The following TEX19 variants were observed in gnomAD, a reference collection of about 807,000 sequenced individuals.
The protein encoded by TEX19 is testis expressed 19, also known as testis-expressed protein 19.
For missense variants in TEX19, 184 were observed against 194.4 expected, an observed-to-expected ratio of 0.95 and a Z score of 0.32; for synonymous variants, 77 against 73.9, an observed-to-expected ratio of 1.04 and a Z score of -0.21.
rs746225344 is a variant in TEX19, at chr17:82,362,689, TG to T, written c.*45del. 6.6e-7 allele frequency: 1 copy of T among 1,517,762 alleles called. No individual in the cohort carries two copies. Among genetic ancestry groups the T allele is most frequent in the African/African-American group, 1.4e-5 (1 of 71,676 alleles). The allele number at this position is 1,517,762 out of a possible 1,614,324, so 94.0% of individuals were successfully genotyped here. A position where few individuals can be genotyped will look rare whatever the true frequency, so the allele number is the denominator to read the frequency against. On this transcript the variant is annotated 3_prime_UTR_variant, in exon 2 of 2. Coordinates refer to ENST00000333437, the MANE Select transcript of TEX19 (RefSeq NM_207459.4). The surrounding 1 kb of genome is among the most constrained non-coding windows in gnomAD (Gnocchi z 5.5). ...GACCTGCCCCCAGGGGAGCCCGTGG[TG>T]TTGAAGCTGGGCATTACCTGGGCAG...
Position 82,362,326 on chromosome 17 carries a change from G to A in TEX19, c.176G>A (p.Trp59Ter). Reference sequence around the variant, plus strand: ...TCAGAGGACTGGGAAGAAGACAACTGGGACCCTGAGCTGATGGAGCACACT... The same window carrying A: ...TCAGAGGACTGGGAAGAAGACAACTAGGACCCTGAGCTGATGGAGCACACT... ...LESEDWEEDN[W>*]DPELMEHTEA... The change falls in exon 2 of 2, where the codon TGG becomes TAG. Residue 59 changes from tryptophan (W) to a stop codon, truncating the protein, a stop_gained. Coordinates refer to ENST00000333437, the MANE Select transcript of TEX19 (RefSeq NM_207459.4). LOFTEE classifies it low-confidence loss of function (END_TRUNC). The surrounding 1 kb of genome is among the most constrained non-coding windows in gnomAD (Gnocchi z 5.5). 1 of 1,613,878 alleles carries A rather than the reference G, an allele frequency of 6.2e-7. No individual in the cohort carries two copies.
In TEX19 at chr17:82,361,944, C is replaced by G; in HGVS notation, c.-207C>G. 1 of 769,484 alleles carries G rather than the reference C, an allele frequency of 1.3e-6. No individual in the cohort carries two copies. 47.7% of individuals were successfully genotyped at this position (769,484 alleles called of 1,614,324 possible). On this transcript the variant is annotated 5_prime_UTR_variant, in exon 2 of 2. Transcript: ENST00000333437. ...TTCCAGAAGTTCAAGCTTCCACCCT[C>G]TGCAGGTCCCCACTGAGCTGGGACC...
At position 82,359,291 on chromosome 17, in the gene TEX19, A is replaced by G. The variant is rs11077988; in HGVS notation, c.-272+6A>G. ...TGAACAGAGACACCAGGATGGTGAG[A>G]TCTCCCGAGGAGGGGTCTCTGAGGA... On this transcript the variant is annotated splice_donor_region_variant and intron_variant, in intron 1 of 1. Transcript: ENST00000333437. The G allele has an allele frequency of 0.33, 49,628 of 152,006 alleles. 8,411 individuals are homozygous for G. The highest frequency in any genetic ancestry group is 0.48 in the South Asian group (2,323 of 4,818). 9.4% of individuals were successfully genotyped at this position (152,006 alleles called of 1,614,324 possible). A position where few individuals can be genotyped will look rare whatever the true frequency, so the allele number is the denominator to read the frequency against.
chr17:82,359,794 G>T (rs2052364773), intron 1 of TEX19, among the ~76,000 whole-genome samples: 1 of 113,678 alleles, frequency 8.8e-6, no homozygotes, highest in Non-Finnish European at 1.8e-5. Context: ...TTTCCCTCAA[G>T]TTCCCCTCAG....
In TEX19 at chr17:82,363,147, A is replaced by G. The variant is rs1413512991; in HGVS notation, c.*502A>G. 2.4e-5 allele frequency: 4 copies of G among 167,420 alleles called. No individual in the cohort carries two copies. 10.4% of individuals were successfully genotyped at this position (167,420 alleles called of 1,614,324 possible). A position where few individuals can be genotyped will look rare whatever the true frequency, so the allele number is the denominator to read the frequency against. On this transcript the variant is annotated 3_prime_UTR_variant, in exon 2 of 2. Transcript: ENST00000333437. Reference sequence around the variant, plus strand: ...GTCCTGAGGAAAGCCTGGCTGTTGCAGGAGCCTCGGCCATGGGGGAGCTGC... The same window carrying G: ...GTCCTGAGGAAAGCCTGGCTGTTGCGGGAGCCTCGGCCATGGGGGAGCTGC...
At position 82,362,956 on chromosome 17, in the gene TEX19, A is replaced by T; in HGVS notation, c.*311A>T. The T allele has an allele frequency of 3.3e-6, 1 of 306,394 alleles. No homozygotes were observed. The highest frequency in any genetic ancestry group is 6.4e-6 in the Non-Finnish European group (1 of 157,192). 19.0% of individuals were successfully genotyped at this position (306,394 alleles called of 1,614,324 possible). A position where few individuals can be genotyped will look rare whatever the true frequency, so the allele number is the denominator to read the frequency against. On this transcript the variant is annotated 3_prime_UTR_variant, in exon 2 of 2. Transcript: ENST00000333437. The surrounding 1 kb of genome is among the most constrained non-coding windows in gnomAD (Gnocchi z 5.5). ...ATTCTAGAAACATCGTTAACAGGAC[A>T]CAGGGCAGAGCTGGTCCCTGCAGCC... is the stretch of plus-strand genomic sequence containing the variant.
At position 82,362,588 on chromosome 17, in the gene TEX19, C is replaced by T. The variant is rs777244760; in HGVS notation, c.438C>T (p.Pro146=). 1 of 1,595,008 alleles carries T rather than the reference C, an allele frequency of 6.3e-7. No homozygotes were observed. Among genetic ancestry groups the T allele is most frequent in the Admixed American group, 1.8e-5 (1 of 54,980 alleles). ...ATGCTGACTGGACCCAGGGTCTTCC[C>T]TGGAGATTTGAGGAGCTTCTTACCT... The part of the protein sequence containing the change: ...LEDADWTQGL[P]WRFEELLTCS... Residue 146 remains proline, a synonymous_variant, in exon 2 of 2, where the codon CCC becomes CCT. Transcript: ENST00000333437. This position sits in a 1 kb window ranked among gnomAD's most constrained non-coding sequence, Gnocchi z 5.5.
chr17:82,362,338 TGATG>T lies in TEX19; in HGVS notation c.191_194del (p.Met64SerfsTer17). The T allele has an allele frequency of 6.2e-7, 1 of 1,613,788 alleles. No homozygotes were observed. Among genetic ancestry groups the T allele is most frequent in the Non-Finnish European group, 8.5e-7 (1 of 1,180,008 alleles). ...GAAGAAGACAACTGGGACCCTGAGC[TGATG>T]GAGCACACTGAGGCAGAGTCAGAGC... On this transcript the variant is annotated frameshift_variant, in exon 2 of 2. Transcript: ENST00000333437. LOFTEE classifies it low-confidence loss of function (END_TRUNC). The surrounding 1 kb of genome is among the most constrained non-coding windows in gnomAD (Gnocchi z 5.5).
chr17:82,360,988 GTTTTCCCCA>G (rs1567853461), intron 1 of TEX19, among the ~76,000 whole-genome samples: 8 of 39,628 alleles, frequency 2.0e-4, no homozygotes, highest in African/African-American at 7.1e-4. Context: ...GGTTCCCTCA[GTTTTCCCCA>G]GTTTCCCTCA....
chr17:82,361,460 G>T (rs1457408489), intron 1 of TEX19, among the ~76,000 whole-genome samples: 3 of 127,612 alleles, frequency 2.4e-5, no homozygotes, highest in South Asian at 2.5e-4. Context: ...TTTCCCTCAG[G>T]TTCCCTCAGT....
At chr17:82,360,979 G>T (rs1335986048) in intron 1 of TEX19, among the ~76,000 whole-genome samples, 29 of 34,472 alleles carry the variant, frequency 8.4e-4, no homozygotes, top group South Asian at 1.0e-3. Context: ...TTTCCCTCAG[G>T]TTCCCTCAGT....
In TEX19 at chr17:82,362,231, T is replaced by G; in HGVS notation, c.81T>G (p.His27Gln). 4 of 1,613,934 alleles carry G rather than the reference T, an allele frequency of 2.5e-6. No homozygotes were observed. Among genetic ancestry groups the G allele is most frequent in the Non-Finnish European group, 3.4e-6 (4 of 1,180,014 alleles). The change falls in exon 2 of 2, where the codon CAT (histidine) becomes CAG (glutamine). Residue 27 changes from histidine (H) to glutamine (Q), a missense_variant. Physicochemically the swap from His to Gln is conservative, Grantham distance 24. Coordinates refer to ENST00000333437, the MANE Select transcript of TEX19 (RefSeq NM_207459.4). The surrounding 1 kb of genome is among the most constrained non-coding windows in gnomAD (Gnocchi z 5.5). ...CCTCCTGGATGTATCAGCTTCAACATGGAGATCAGCTAAGCATTTGCTTCA... is the reference window on the plus strand; with the variant it reads ...CCTCCTGGATGTATCAGCTTCAACAGGGAGATCAGCTAAGCATTTGCTTCA... Reference protein sequence around the residue: ...LYASWMYQLQHGDQLSICFTC... With the variant: ...LYASWMYQLQQGDQLSICFTC...
chr17:82,361,973 G>A lies in TEX19; in HGVS notation c.-178G>A, dbSNP rs138816074. 8.9e-5 allele frequency: 79 copies of A among 887,374 alleles called. No homozygotes were observed. In the African/African-American group the frequency reaches 1.1e-3, roughly 12 times the overall value. 55.0% of individuals were successfully genotyped at this position (887,374 alleles called of 1,614,324 possible). Reference sequence around the variant, plus strand: ...AGGTCCCCACTGAGCTGGGACCCAGGTCATCCACCCCACCCCAAATCCCTG... The same window carrying A: ...AGGTCCCCACTGAGCTGGGACCCAGATCATCCACCCCACCCCAAATCCCTG... On this transcript the variant is annotated 5_prime_UTR_variant, in exon 2 of 2. Coordinates refer to ENST00000333437, the MANE Select transcript of TEX19 (RefSeq NM_207459.4).
chr17:82,360,884 TCAGTTTCCCCCAGTTTC>T (rs2052383655), intron 1 of TEX19, among the ~76,000 whole-genome samples: 6 of 38,696 alleles, frequency 1.6e-4, no homozygotes, highest in Admixed American at 5.7e-4. Flanking sequence ...TCAGGTTCCC[TCAGTTTCCCCCAGTTTC>T]CCTCAAGTTT....
Position 82,362,045 on chromosome 17 carries a change from G to C in TEX19, c.-106G>C. 1 of 1,429,672 alleles carries C rather than the reference G, an allele frequency of 7.0e-7. No homozygotes were observed. The highest frequency in any genetic ancestry group is 9.4e-7 in the Non-Finnish European group (1 of 1,067,282). 88.6% of individuals were successfully genotyped at this position (1,429,672 alleles called of 1,614,324 possible). On this transcript the variant is annotated 5_prime_UTR_variant, in exon 2 of 2. Coordinates refer to ENST00000333437, the MANE Select transcript of TEX19 (RefSeq NM_207459.4). This position sits in a 1 kb window ranked among gnomAD's most constrained non-coding sequence, Gnocchi z 5.5. ...CCTGCTCCTTGTCCCCTTCATCCCT[G>C]CCGCCCAGCATCCTACTGGCCTCAG...
At chr17:82,360,980 T>C (rs2052385337) in intron 1 of TEX19, among the ~76,000 whole-genome samples, 1 of 66,370 alleles carries the variant, frequency 1.5e-5, no homozygotes, top group South Asian at 5.8e-4. Context: ...TTCCCTCAGG[T>C]TCCCTCAGTT....
At chr17:82,359,324 C>T (rs769393784) in intron 1 of TEX19, 39 bp downstream of exon 1, 12 of 152,276 alleles carry the variant, frequency 7.9e-5, no homozygotes, top group African/African-American at 1.7e-4. Context: ...GGAGGGGTCT[C>T]GGAGACACGG....
Position 82,362,018 on chromosome 17 carries a change from C to G in TEX19, c.-133C>G. The G allele has an allele frequency of 8.0e-7, 1 of 1,253,822 alleles. No homozygotes were observed. Among genetic ancestry groups the G allele is most frequent in the Non-Finnish European group, 1.1e-6 (1 of 912,082 alleles). The allele number at this position is 1,253,822 out of a possible 1,614,324, so 77.7% of individuals were successfully genotyped here. ...TCCCTGGATAGGAAACCCCTTTCTC[C>G]TCCTGCTCCTTGTCCCCTTCATCCC... On this transcript the variant is annotated 5_prime_UTR_variant, in exon 2 of 2. Coordinates refer to ENST00000333437, the MANE Select transcript of TEX19 (RefSeq NM_207459.4). The surrounding 1 kb of genome is among the most constrained non-coding windows in gnomAD (Gnocchi z 5.5).
At chr17:82,360,049 GTTCCCCCAGT>G (rs1482260779) in intron 1 of TEX19, among the ~76,000 whole-genome samples, 3 of 78,454 alleles carry the variant, frequency 3.8e-5, no homozygotes, top group Admixed American at 1.4e-4. Flanking sequence ...TTTCCCCCAG[GTTCCCCCAGT>G]TTCCCCCAGT....
Sources: allele counts gnomAD v4.1 joint callset (sites outside exome capture counted in the v4.1 genomes callset), GRCh38; gene constraint gnomAD v4.1.1; non-coding constraint Gnocchi (gnomAD v3.1); transcripts MANE v1.5; gene names NCBI Gene and HGNC (gene_info 2026-07-23, HGNC 2026-07-21).